The following B3GALT1 variants were observed in gnomAD, a reference collection of about 807,000 sequenced individuals.
The protein encoded by B3GALT1 is UDP-Gal:betaGlcNAc beta 1,3-galactosyltransferase, polypeptide 1.
A neutral mutation model predicts 23.2 loss-of-function variants in B3GALT1; 10 were observed. The observed-to-expected ratio is 0.43, with a 90% CI of 0.27 to 0.73. The LOEUF (loss-of-function observed/expected upper bound fraction) is 0.73, where lower values mean the gene tolerates loss of function less well. B3GALT1 is among the 30% of genes least tolerant of loss of function. The pLI, the probability that B3GALT1 is intolerant of heterozygous loss-of-function variation, is 0.21. For missense variants in B3GALT1, 299 were observed against 405.4 expected (o/e 0.74, Z 2.25); for synonymous variants, 156 against 141.5 (o/e 1.10, Z -0.73).
At chr2:167,472,037 C>A (rs1161017405) in intron 1 of B3GALT1, among the ~76,000 whole-genome samples, 1 of 152,180 alleles carries the variant, frequency 6.6e-6, no homozygotes, top group Admixed American at 6.5e-5. Context: ...GTTCCTCTTA[C>A]AGTTTTGCAG....
chr2:167,433,039 A>G (rs1450921141), intron 1 of B3GALT1, among the ~76,000 whole-genome samples: 1 of 152,214 alleles, frequency 6.6e-6, no homozygotes, highest in Non-Finnish European at 1.5e-5. Flanking sequence ...TAGTGTCATA[A>G]AGAGTAGTTT....
intron 3 of B3GALT1, among the ~76,000 whole-genome samples, chr2:167,797,083 T>C (rs1419069300): frequency 6.6e-6 from 1 of 152,112 alleles, no homozygotes; most frequent in Non-Finnish European, 1.5e-5. Context: ...ATCACCTAGG[T>C]ATTAAGCCCA....
intron 4 of B3GALT1, among the ~76,000 whole-genome samples, chr2:167,831,504 A>C (rs1372864022): frequency 6.6e-6 from 1 of 152,228 alleles, no homozygotes; most frequent in African/African-American, 2.4e-5. Context: ...TGGCCAAAAT[A>C]AGGATTTGAG....
chr2:167,632,916 T>G (rs1685475637), intron 2 of B3GALT1, among the ~76,000 whole-genome samples: 1 of 152,098 alleles, frequency 6.6e-6, no homozygotes, highest in South Asian at 2.1e-4. Context: ...CTTCTAGGGG[T>G]TTTATGGTTT....
At chr2:167,449,811 G>A (rs995061170) in intron 1 of B3GALT1, among the ~76,000 whole-genome samples, 1 of 152,120 alleles carries the variant, frequency 6.6e-6, no homozygotes, top group South Asian at 2.1e-4. Context: ...GAGGAATGCT[G>A]GATTTTGTCA....
intron 4 of B3GALT1, among the ~76,000 whole-genome samples, chr2:167,867,093 AT>A (rs754665993): frequency 1.1e-4 from 16 of 152,142 alleles, no homozygotes; most frequent in South Asian, 2.1e-4. Flanking sequence ...CGCCTGGCTA[AT>A]TTTTTGTATT....
intron 2 of B3GALT1, among the ~76,000 whole-genome samples, chr2:167,616,494 G>C (rs1307012639): frequency 6.6e-6 from 1 of 151,956 alleles, no homozygotes; most frequent in African/African-American, 2.4e-5. Context: ...TTGAGGTCAG[G>C]AGTTTGAAAC....
At chr2:167,461,298 C>G (rs1402177404) in intron 1 of B3GALT1, among the ~76,000 whole-genome samples, 1 of 152,190 alleles carries the variant, frequency 6.6e-6, no homozygotes, top group Non-Finnish European at 1.5e-5. Flanking sequence ...CCAAAATTGA[C>G]CAAAATTAAC....
At chr2:167,640,213 T>G (rs1574184575) in intron 2 of B3GALT1, among the ~76,000 whole-genome samples, 1 of 152,160 alleles carries the variant, frequency 6.6e-6, no homozygotes, top group Admixed American at 6.6e-5. Flanking sequence ...TCCTCCCACT[T>G]CTATGAATGC....
intron 3 of B3GALT1, among the ~76,000 whole-genome samples, chr2:167,658,114 C>T (rs541518872): frequency 3.3e-5 from 5 of 152,150 alleles, no homozygotes; most frequent in African/African-American, 1.2e-4. Flanking sequence ...GTGCTATGTG[C>T]CTAGAACTAT....
chr2:167,372,893 T>C (rs1209068555), intron 1 of B3GALT1, among the ~76,000 whole-genome samples: 4 of 152,082 alleles, frequency 2.6e-5, no homozygotes, highest in South Asian at 4.1e-4. Context: ...AAATGTCAGC[T>C]CTCCCCCAAA....
Position 167,873,894 on chromosome 2 carries a change from T to C in B3GALT1, c.*3874T>C, listed in dbSNP as rs1690394636. The C allele has an allele frequency of 6.6e-6, 1 of 152,178 alleles. No individual in the cohort carries two copies. The highest frequency in any genetic ancestry group is 2.4e-5 in the African/African-American group (1 of 41,446). 9.4% of individuals were successfully genotyped at this position (152,178 alleles called of 1,614,324 possible). A position where few individuals can be genotyped will look rare whatever the true frequency, so the allele number is the denominator to read the frequency against. ...CTAAAAATGACAGACACTGAAGATA[T>C]CATTACACTTTCTTCACCTTCCTCT... On this transcript the variant is annotated 3_prime_UTR_variant, in exon 5 of 5. Coordinates refer to ENST00000392690, the MANE Select transcript of B3GALT1 (RefSeq NM_020981.4).
At chr2:167,856,813 G>A (rs1690008145) in intron 4 of B3GALT1, among the ~76,000 whole-genome samples, 1 of 152,166 alleles carries the variant, frequency 6.6e-6, no homozygotes, top group Non-Finnish European at 1.5e-5. Context: ...ATAGTAATTG[G>A]CAGTGATGCC....
chr2:167,516,940 TTC>T (rs1482622474), intron 2 of B3GALT1, among the ~76,000 whole-genome samples: 1 of 110,762 alleles, frequency 9.0e-6, no homozygotes, highest in Non-Finnish European at 1.6e-5. Context: ...ATATAAGTAC[TTC>T]TGTGTGTGTA....
chr2:167,436,359 C>T (rs1371143393), intron 1 of B3GALT1, among the ~76,000 whole-genome samples: 1 of 152,132 alleles, frequency 6.6e-6, no homozygotes, highest in Non-Finnish European at 1.5e-5. Flanking sequence ...CTCTACTACA[C>T]TTTTTCCCAG....
At position 167,436,832 on chromosome 2, in the gene B3GALT1, A is replaced by C. The variant is rs78697780; in HGVS notation, c.-510-53345A>C. ...CCATTGGTTAAATAGCCTAACTACTACATTCATAGTCAGAGGTATTATTTC... is the reference window on the plus strand; with the variant it reads ...CCATTGGTTAAATAGCCTAACTACTCCATTCATAGTCAGAGGTATTATTTC... On this transcript the variant is annotated intron_variant, in intron 1 of 4. Coordinates refer to ENST00000392690, the MANE Select transcript of B3GALT1 (RefSeq NM_020981.4). Among the ~76,000 whole-genome samples the C allele has an allele frequency of 3.1e-3, 467 of 152,252 alleles. 3 individuals are homozygous for C. The highest frequency in any genetic ancestry group is 0.011 in the African/African-American group (438 of 41,544).
intron 2 of B3GALT1, among the ~76,000 whole-genome samples, chr2:167,509,047 A>G (rs769071910): frequency 2.0e-5 from 3 of 152,214 alleles, no homozygotes; most frequent in Non-Finnish European, 4.4e-5. Flanking sequence ...CCTTCACGAC[A>G]GGAAGGATGG....
At chr2:167,494,301 G>A (rs1699748921) in intron 2 of B3GALT1, among the ~76,000 whole-genome samples, 1 of 150,760 alleles carries the variant, frequency 6.6e-6, no homozygotes. Flanking sequence ...TTATATAAAA[G>A]ATATCAGTTA....
At chr2:167,808,204 G>C (rs13029585) in intron 3 of B3GALT1, among the ~76,000 whole-genome samples, 1 of 147,634 alleles carries the variant, frequency 6.8e-6, no homozygotes, top group African/African-American at 2.5e-5. Context: ...GTCTCTGCAC[G>C]TGAGATGGGT....
Sources: gnomAD v4.1 joint callset for allele counts (sites outside exome capture counted in the v4.1 genomes callset) on GRCh38, gnomAD v4.1.1 for gene constraint, MANE v1.5 for transcripts, NCBI Gene and HGNC (gene_info 2026-07-23, HGNC 2026-07-21) for gene names.